CRISPLD2: variants seen among roughly 807,000 people sequenced by gnomAD.
CRISPLD2 encodes cysteine rich secretory protein LCCL domain containing 2.
In CRISPLD2, 47 loss-of-function variants were observed where a neutral mutation model predicts 71.1. The ratio of observed to expected loss-of-function variants is 0.66; its 90% CI spans 0.52 to 0.84. The LOEUF is 0.84. Ranked by LOEUF, CRISPLD2 falls within the 40% of genes least tolerant of loss-of-function variation. The pLI is 0.00. For missense variants in CRISPLD2, 830 were observed against 651.1 expected, an observed-to-expected ratio of 1.27 and a Z score of -2.99; for synonymous variants, 317 against 250.1, an observed-to-expected ratio of 1.27 and a Z score of -2.52.
At chr16:84,860,423 A>T (rs1917348070) in intron 6 of CRISPLD2, among the ~76,000 whole-genome samples, 1 of 152,056 alleles carries the variant, frequency 6.6e-6, no homozygotes, top group Admixed American at 6.6e-5. Flanking sequence ...TCCGAACCTC[A>T]CCTCTAGCAG....
intron 14 of CRISPLD2, among the ~76,000 whole-genome samples, chr16:84,899,273 C>A (rs2071732647): frequency 2.0e-5 from 3 of 152,162 alleles, no homozygotes; most frequent in Admixed American, 6.5e-5. Context: ...AAGTCCAATA[C>A]CTTTTATGAA....
At chr16:84,874,589 C>T (rs2071502337) in intron 11 of CRISPLD2, among the ~76,000 whole-genome samples, 1 of 152,224 alleles carries the variant, frequency 6.6e-6, no homozygotes, top group Admixed American at 6.5e-5. Flanking sequence ...ATTCCAGCTT[C>T]CTCCCCGGAG....
intron 2 of CRISPLD2, among the ~76,000 whole-genome samples, chr16:84,845,538 CCA>C (rs1374631834): frequency 6.6e-6 from 1 of 152,194 alleles, no homozygotes; most frequent in African/African-American, 2.4e-5. Context: ...ACACTGAGGC[CCA>C]GAGAGAAGGC....
At chr16:84,887,940 C>T (rs2071627418) in intron 13 of CRISPLD2, among the ~76,000 whole-genome samples, 1 of 152,218 alleles carries the variant, frequency 6.6e-6, no homozygotes, top group Non-Finnish European at 1.5e-5. Flanking sequence ...CTTAATAAAT[C>T]AGATCGCTAG....
At chr16:84,904,706 G>A (rs1267837353) in intron 14 of CRISPLD2, among the ~76,000 whole-genome samples, 2 of 152,098 alleles carry the variant, frequency 1.3e-5, no homozygotes, top group Admixed American at 6.6e-5. Context: ...ACCATTCAGT[G>A]GGCAGAGAAT....
intron 14 of CRISPLD2, among the ~76,000 whole-genome samples, chr16:84,900,801 G>A (rs1444975012): frequency 1.3e-5 from 2 of 151,972 alleles, no homozygotes; most frequent in African/African-American, 2.4e-5. Context: ...CTTATAATCC[G>A]GGCACTTTGG....
intron 3 of CRISPLD2, chr16:84,846,222 C>T (rs1265612103): frequency 4.6e-6 from 1 of 219,212 alleles, no homozygotes; most frequent in South Asian, 8.5e-5. Context: ...TCCCTCCTTC[C>T]CTTCCCTCCC....
At chr16:84,885,707 T>C (rs1457339981) in intron 13 of CRISPLD2, among the ~76,000 whole-genome samples, 1 of 152,220 alleles carries the variant, frequency 6.6e-6, no homozygotes, top group Non-Finnish European at 1.5e-5. Context: ...AAATCCACTT[T>C]TCAGGTCTTT....
chr16:84,889,409 A>G, intron 14 of CRISPLD2, 46 bp downstream of exon 14: 2 of 1,573,124 alleles, frequency 1.3e-6, no homozygotes, highest in Non-Finnish European at 1.7e-6. Flanking sequence ...CCGGCTGCTA[A>G]TGGTCCCTCA....
chr16:84,856,430 C>A lies in CRISPLD2; in HGVS notation c.709+1601C>A, dbSNP rs144208343. On this transcript the variant is annotated intron_variant, in intron 6 of 14. Coordinates refer to ENST00000262424, the MANE Select transcript of CRISPLD2 (RefSeq NM_031476.4). ...AGTGTCCAGGTGGCAACCTTAACTT[C>A]CAGTTTAATGGGATTGCTGCTATGT... 1.0e-2 allele frequency among the ~76,000 whole-genome samples: 1,520 copies of A among 152,258 alleles called. 12 individuals carry two copies. Among genetic ancestry groups the A allele is most frequent in the Non-Finnish European group, 0.018 (1,226 of 68,024 alleles).
At chr16:84,853,585 T>C (rs1444177498) in intron 5 of CRISPLD2, among the ~76,000 whole-genome samples, 1 of 152,198 alleles carries the variant, frequency 6.6e-6, no homozygotes, top group Admixed American at 6.5e-5. Context: ...CGGGAAGTTC[T>C]AGGCCACTCT....
chr16:84,861,556 G>A (rs576474810), intron 6 of CRISPLD2, among the ~76,000 whole-genome samples: 151 of 152,242 alleles, frequency 9.9e-4, no homozygotes, highest in African/African-American at 3.6e-3. Context: ...TTATATCCTA[G>A]CTGCTATGGC....
intron 13 of CRISPLD2, among the ~76,000 whole-genome samples, chr16:84,884,299 A>G (rs57004720): frequency 0.21 from 32,030 of 152,110 alleles, 3,427 homozygotes; most frequent in Admixed American, 0.27. Context: ...CCCCTCAGTC[A>G]CCTGAGTGTT....
chr16:84,850,940 A>C lies in CRISPLD2; in HGVS notation c.608+257A>C, dbSNP rs200750134. 4.8e-5 allele frequency among the ~76,000 whole-genome samples: 7 copies of C among 146,212 alleles called. No individual in the cohort carries two copies. In the South Asian group the frequency reaches 9.0e-4, roughly 19 times the overall value. Reference sequence around the variant, plus strand: ...CACAGCACCAACATCACATCTCCCCAAGCACAAGGAAGGATGGTCAAAGGG... The same window carrying C: ...CACAGCACCAACATCACATCTCCCCCAGCACAAGGAAGGATGGTCAAAGGG... On this transcript the variant is annotated intron_variant, in intron 5 of 14. Transcript: ENST00000262424.
chr16:84,825,554 G>A (rs898473958), intron 1 of CRISPLD2, among the ~76,000 whole-genome samples: 18 of 152,084 alleles, frequency 1.2e-4, no homozygotes, highest in African/African-American at 4.3e-4. Flanking sequence ...TCAGGAGTTC[G>A]AGACCAGCCT....
chr16:84,826,766 G>T (rs1464485145), intron 1 of CRISPLD2, among the ~76,000 whole-genome samples: 3 of 152,182 alleles, frequency 2.0e-5, no homozygotes, highest in African/African-American at 7.2e-5. Context: ...GTCCAAGGGG[G>T]AGGCCCCACC....
chr16:84,894,673 T>C (rs1334245406), intron 14 of CRISPLD2, among the ~76,000 whole-genome samples: 1 of 152,192 alleles, frequency 6.6e-6, no homozygotes, highest in Non-Finnish European at 1.5e-5. Flanking sequence ...ATTTTACTTA[T>C]CCCAATATAT....
At chr16:84,875,414 CTTTTTTTT>C (rs34028519) in intron 11 of CRISPLD2, among the ~76,000 whole-genome samples, 16 of 87,772 alleles carry the variant, frequency 1.8e-4, no homozygotes, top group Non-Finnish European at 2.9e-4. Flanking sequence ...TATGCATGGA[CTTTTTTTT>C]TTTTTTTTTT....
In CRISPLD2 at chr16:84,850,687, A is replaced by G; in HGVS notation, c.608+4A>G. 2 of 1,610,128 alleles carry G rather than the reference A, an allele frequency of 1.2e-6. No homozygotes were observed. On this transcript the variant is annotated splice_donor_region_variant and intron_variant, in intron 5 of 14. Transcript: ENST00000262424. Reference sequence around the variant, plus strand: ...TTGTCTGCAATTATTCTCCAAAGTAAGACAAGTTGATGCCGTTGTATGGGG... The same window carrying G: ...TTGTCTGCAATTATTCTCCAAAGTAGGACAAGTTGATGCCGTTGTATGGGG...
Sources: gnomAD v4.1 joint callset for allele counts (sites outside exome capture counted in the v4.1 genomes callset) on GRCh38, gnomAD v4.1.1 for gene constraint, MANE v1.5 for transcripts, NCBI Gene and HGNC (gene_info 2026-07-23, HGNC 2026-07-21) for gene names.